Variants in FGF14 observed in about 807,000 individuals in gnomAD.
The protein encoded by FGF14 is fibroblast growth factor homologous factor 4.
FGF14 carries 5 observed loss-of-function variants against 25.5 expected under a neutral mutation model. That is an observed-to-expected ratio of 0.20 (90% confidence interval 0.10 to 0.41). The LOEUF (loss-of-function observed/expected upper bound fraction) is 0.41, where lower values mean the gene tolerates loss of function less well. Among genes scored for constraint, FGF14 ranks in the 10% least tolerant of loss-of-function variants. FGF14 has a pLI of 1.00. For synonymous variants in FGF14, 138 were observed against 118.3 expected (o/e 1.17, Z -1.08); for missense variants, 222 against 320.1 (o/e 0.69, Z 2.34).
intron 1 of FGF14, among the ~76,000 whole-genome samples, chr13:102,387,568 TTATTTTTA>T (rs1387151731): frequency 2.6e-4 from 40 of 152,168 alleles, no homozygotes; most frequent in African/African-American, 9.4e-4. Context: ...ACATCATCAT[TTATTTTTA>T]TATTTTTAAA....
chr13:102,393,452 A>G (rs928120302), intron 1 of FGF14, among the ~76,000 whole-genome samples: 1 of 152,236 alleles, frequency 6.6e-6, no homozygotes, highest in Non-Finnish European at 1.5e-5. Flanking sequence ...TCAGAGTTGT[A>G]ATAAACTCTG....
intron 1 of FGF14, among the ~76,000 whole-genome samples, chr13:102,288,611 G>A (rs1041394685): frequency 1.5e-4 from 22 of 151,018 alleles, no homozygotes; most frequent in Admixed American, 2.6e-4. Flanking sequence ...TTGAGATGGC[G>A]TCTCACTCTG....
rs538409716 is a variant in FGF14 at position 101,949,252 on chromosome 13, G to A, written c.209-73956C>T. 1.6e-3 allele frequency among the ~76,000 whole-genome samples: 239 copies of A among 152,264 alleles called. 1 individual carries two copies. The highest frequency in any genetic ancestry group is 1.4e-3 in the Non-Finnish European group (93 of 68,020). ...AGGTGGCCCAATATTTGTCCCTACC[G>A]GGAACCTTTCCTGGTAATAACTCAA... On this transcript the variant is annotated intron_variant, in intron 1 of 4. Transcript: ENST00000376131.
chr13:101,836,436 G>T (rs116191107), intron 3 of FGF14, among the ~76,000 whole-genome samples: 552 of 152,130 alleles, frequency 3.6e-3, no homozygotes, highest in African/African-American at 0.012. Context: ...TAAATGTCAG[G>T]AAGTTTTTGT....
chr13:102,219,553 G>C (rs1335436904), intron 1 of FGF14, among the ~76,000 whole-genome samples: 1 of 152,160 alleles, frequency 6.6e-6, no homozygotes, highest in Non-Finnish European at 1.5e-5. Context: ...GAAAGAAAAA[G>C]TAATATGCTT....
chr13:102,314,447 G>A (rs915692796), intron 1 of FGF14, among the ~76,000 whole-genome samples: 5 of 151,934 alleles, frequency 3.3e-5, no homozygotes, highest in African/African-American at 9.7e-5. Flanking sequence ...GTGTCTTCAC[G>A]GTATATGTTA....
chr13:101,930,535 G>A (rs990223466), intron 1 of FGF14, among the ~76,000 whole-genome samples: 3 of 152,096 alleles, frequency 2.0e-5, no homozygotes, highest in African/African-American at 7.2e-5. Context: ...ATCATTCAGC[G>A]ATTTTCTTTT....
intron 1 of FGF14, among the ~76,000 whole-genome samples, chr13:102,007,810 T>C (rs1391058154): frequency 6.6e-6 from 1 of 152,208 alleles, no homozygotes; most frequent in Non-Finnish European, 1.5e-5. Flanking sequence ...GGATGTCTTT[T>C]AGATAATATA....
intron 1 of FGF14, among the ~76,000 whole-genome samples, chr13:101,987,535 T>C (rs1444029977): frequency 6.6e-6 from 1 of 152,172 alleles, no homozygotes; most frequent in Non-Finnish European, 1.5e-5. Flanking sequence ...CACTTAATTT[T>C]ACAAATTTAT....
chr13:101,987,934 T>C (rs1324443910), intron 1 of FGF14, among the ~76,000 whole-genome samples: 1 of 152,016 alleles, frequency 6.6e-6, no homozygotes, highest in African/African-American at 2.4e-5. Flanking sequence ...TCCTGGCACA[T>C]TTGTTAAGTG....
At chr13:102,215,422 A>C (rs2140936627) in intron 1 of FGF14, among the ~76,000 whole-genome samples, 1 of 152,298 alleles carries the variant, frequency 6.6e-6, no homozygotes. Context: ...TTTTCTCTGT[A>C]CCTCTTAAAA....
At chr13:102,037,197 G>C (rs2041518876) in intron 1 of FGF14, among the ~76,000 whole-genome samples, 1 of 152,066 alleles carries the variant, frequency 6.6e-6, no homozygotes, top group Non-Finnish European at 1.5e-5. Context: ...TTAATTTTCT[G>C]TTGCTGCTGT....
At chr13:102,108,506 G>A (rs1043095310) in intron 1 of FGF14, among the ~76,000 whole-genome samples, 2 of 152,194 alleles carry the variant, frequency 1.3e-5, no homozygotes, top group African/African-American at 4.8e-5. Context: ...TGTGAAACAT[G>A]TTAAGATATT....
At chr13:102,053,339 T>C (rs1285052387) in intron 1 of FGF14, among the ~76,000 whole-genome samples, 2 of 151,978 alleles carry the variant, frequency 1.3e-5, no homozygotes, top group African/African-American at 4.8e-5. Flanking sequence ...AGGAAACACA[T>C]GGACTGAAAG....
At chr13:102,152,880 T>C (rs2047149091) in intron 1 of FGF14, among the ~76,000 whole-genome samples, 1 of 152,194 alleles carries the variant, frequency 6.6e-6, no homozygotes, top group South Asian at 2.1e-4. Context: ...TTAAAAGATG[T>C]GAGGGGGCCG....
chr13:102,178,468 G>A (rs889196661), intron 1 of FGF14, among the ~76,000 whole-genome samples: 6 of 152,152 alleles, frequency 3.9e-5, no homozygotes, highest in African/African-American at 1.2e-4. Context: ...TAAGGGTGAA[G>A]TCTGGACTTT....
In FGF14 at chr13:102,124,519, C is replaced by T. The variant is rs149071171; in HGVS notation, c.209-249223G>A. 2.8e-3 allele frequency among the ~76,000 whole-genome samples: 424 copies of T among 152,140 alleles called. 12 individuals carry two copies. Among genetic ancestry groups the T allele is most frequent in the Admixed American group, 0.022 (334 of 15,270 alleles). On this transcript the variant is annotated intron_variant, in intron 1 of 4. Coordinates refer to the FGF14 transcript ENST00000376131. ...TGTAGTACTGGAAGGTTTTGGTATT[C>T]ACTAAAATTAAAGATTTAAACAAAA...
chr13:102,071,305 C>T (rs745338849), intron 1 of FGF14, among the ~76,000 whole-genome samples: 37 of 152,064 alleles, frequency 2.4e-4, no homozygotes, highest in Non-Finnish European at 3.5e-4. Flanking sequence ...GAAAAACTAC[C>T]GAAGCCATTT....
chr13:102,218,108 A>G (rs989588912), intron 1 of FGF14, among the ~76,000 whole-genome samples: 4 of 152,034 alleles, frequency 2.6e-5, no homozygotes, highest in African/African-American at 7.2e-5. Context: ...ACCTTCATCA[A>G]TTTTGCTTTG....
Sources: allele counts gnomAD v4.1 joint callset (sites outside exome capture counted in the v4.1 genomes callset), GRCh38; gene constraint gnomAD v4.1.1; transcripts MANE v1.5; gene names NCBI Gene and HGNC (gene_info 2026-07-23, HGNC 2026-07-21).